CNTNAP2: variants seen among roughly 807,000 people sequenced by gnomAD.
CNTNAP2 encodes the protein contactin-associated protein-like 2.
A neutral mutation model predicts 155.2 loss-of-function variants in CNTNAP2; 98 were observed. That is an observed-to-expected ratio of 0.63 (90% CI 0.54 to 0.75). The LOEUF is 0.75. Ranked by LOEUF, CNTNAP2 falls within the 30% of genes least tolerant of loss-of-function variation. The probability of loss-of-function intolerance (pLI) is 0.00; values close to 1 mark genes in which losing one functional copy is unlikely to be tolerated. For synonymous variants in CNTNAP2, 651 were observed against 631.2 expected, an observed-to-expected ratio of 1.03 and a Z score of -0.47; for missense variants, 1,727 against 1,688.1, an observed-to-expected ratio of 1.02 and a Z score of -0.40.
intron 1 of CNTNAP2, among the ~76,000 whole-genome samples, chr7:146,607,660 A>T (rs948424624): frequency 6.6e-6 from 1 of 151,742 alleles, no homozygotes; most frequent in East Asian, 1.9e-4. Flanking sequence ...AAATTTTTAT[A>T]GAGTTGGGGG....
intron 13 of CNTNAP2, among the ~76,000 whole-genome samples, chr7:147,805,093 CG>C (rs1554437146): frequency 1.3e-5 from 2 of 149,154 alleles, no homozygotes; most frequent in Non-Finnish European, 3.0e-5. Flanking sequence ...TTTTTTGAGA[CG>C]GAGCCTGAGT....
chr7:147,650,535 C>T (rs1391055836), intron 13 of CNTNAP2, among the ~76,000 whole-genome samples: 1 of 152,128 alleles, frequency 6.6e-6, no homozygotes, highest in African/African-American at 2.4e-5. Context: ...CCCACTTATG[C>T]TTCATGATTA....
chr7:146,131,562 C>A (rs996313296), intron 1 of CNTNAP2, among the ~76,000 whole-genome samples: 2 of 152,126 alleles, frequency 1.3e-5, no homozygotes, highest in African/African-American at 4.8e-5. Flanking sequence ...AGTGTTATAA[C>A]AAGATTGTTT....
chr7:146,889,064 T>C (rs1795728650), intron 3 of CNTNAP2, among the ~76,000 whole-genome samples: 1 of 152,044 alleles, frequency 6.6e-6, no homozygotes, highest in Admixed American at 6.6e-5. Flanking sequence ...AACTGATAGA[T>C]ATGTTTATTG....
intron 1 of CNTNAP2, among the ~76,000 whole-genome samples, chr7:146,214,942 C>T (rs1799090931): frequency 6.6e-6 from 1 of 152,178 alleles, no homozygotes; most frequent in African/African-American, 2.4e-5. Context: ...CCCTCGGCCC[C>T]CTGCTTTGCC....
intron 21 of CNTNAP2, among the ~76,000 whole-genome samples, chr7:148,366,432 A>G (rs1011241319): frequency 2.6e-5 from 4 of 152,276 alleles, no homozygotes; most frequent in Admixed American, 6.5e-5. Context: ...CTGGCATACA[A>G]TAGATACTCA....
At chr7:147,570,904 G>A (rs1800275661) in intron 12 of CNTNAP2, among the ~76,000 whole-genome samples, 1 of 152,134 alleles carries the variant, frequency 6.6e-6, no homozygotes, top group South Asian at 2.1e-4. Flanking sequence ...CAATATGATT[G>A]CTGAAATGAG....
At position 148,403,110 on chromosome 7, in the gene CNTNAP2, A is replaced by C. The variant is rs1019305396; in HGVS notation, c.3716-6281A>C. Among the ~76,000 whole-genome samples, 4 of 150,724 alleles carry C rather than the reference A, an allele frequency of 2.7e-5. 1 individual carries two copies. The highest frequency in any genetic ancestry group is 9.8e-5 in the African/African-American group (4 of 40,772). On this transcript the variant is annotated intron_variant, in intron 22 of 23. Transcript: ENST00000361727. ...CCTTGGGTGAGGAGCATAGTAGTGC[A>C]TATGTGTGTGGGCGCTAAAGCCTTA...
intron 8 of CNTNAP2, among the ~76,000 whole-genome samples, chr7:147,223,939 C>CAAAAAAAAAAAAAAAAAAAA (rs571724956): frequency 4.4e-5 from 2 of 45,802 alleles, no homozygotes; most frequent in African/African-American, 7.4e-5. Context: ...GACTCAATCT[C>CAAAAAAAAAAAAAAAAAAAA]AAAAAAAAAA....
At chr7:146,582,846 G>A (rs1179451462) in intron 1 of CNTNAP2, among the ~76,000 whole-genome samples, 3 of 150,306 alleles carry the variant, frequency 2.0e-5, no homozygotes, top group Non-Finnish European at 3.0e-5. Flanking sequence ...ATACTGAGCA[G>A]CTCGTTAGTA....
At chr7:147,175,591 C>A (rs1008578427) in intron 8 of CNTNAP2, among the ~76,000 whole-genome samples, 1 of 152,098 alleles carries the variant, frequency 6.6e-6, no homozygotes, top group African/African-American at 2.4e-5. Context: ...GGAAGAGGGA[C>A]ACAGAGAAAG....
chr7:147,031,758 A>G (rs971345813), intron 3 of CNTNAP2, among the ~76,000 whole-genome samples: 1 of 152,178 alleles, frequency 6.6e-6, no homozygotes, highest in Non-Finnish European at 1.5e-5. Flanking sequence ...TCTCTACTAA[A>G]AATACAAAAA....
At chr7:146,438,828 A>G (rs1432946615) in intron 1 of CNTNAP2, among the ~76,000 whole-genome samples, 1 of 151,568 alleles carries the variant, frequency 6.6e-6, no homozygotes, top group Non-Finnish European at 1.5e-5. Flanking sequence ...ACACCAGGGA[A>G]TACTGGAAAA....
intron 1 of CNTNAP2, among the ~76,000 whole-genome samples, chr7:146,529,190 C>T (rs550713182): frequency 6.6e-6 from 1 of 152,122 alleles, no homozygotes. Flanking sequence ...CATGTGGTCC[C>T]ACTTATGAGA....
intron 1 of CNTNAP2, among the ~76,000 whole-genome samples, chr7:146,288,088 A>C (rs2129086073): frequency 6.6e-6 from 1 of 151,922 alleles, no homozygotes; most frequent in South Asian, 2.1e-4. Flanking sequence ...GCCTAGGTGG[A>C]GGATTGCTTA....
chr7:148,192,219 ACT>A (rs1387571878), intron 18 of CNTNAP2, among the ~76,000 whole-genome samples: 1 of 152,138 alleles, frequency 6.6e-6, no homozygotes, highest in African/African-American at 2.4e-5. Context: ...GGTCTCCATC[ACT>A]CAAACAAAAT....
intron 10 of CNTNAP2, among the ~76,000 whole-genome samples, chr7:147,464,310 A>C (rs780884239): frequency 2.0e-5 from 3 of 151,906 alleles, no homozygotes; most frequent in Non-Finnish European, 4.4e-5. Flanking sequence ...TACTAAAAAT[A>C]CAAAAAATTA....
chr7:146,383,818 A>G (rs185092168), intron 1 of CNTNAP2, among the ~76,000 whole-genome samples: 82 of 152,328 alleles, frequency 5.4e-4, no homozygotes, highest in Admixed American at 4.5e-3. Context: ...TATCACTATG[A>G]AAGTGGAGAT....
chr7:146,130,780 C>G (rs1797702126), intron 1 of CNTNAP2, among the ~76,000 whole-genome samples: 1 of 152,140 alleles, frequency 6.6e-6, no homozygotes, highest in Non-Finnish European at 1.5e-5. Flanking sequence ...AGACAACTTA[C>G]AATCATGGCA....
Sources: allele counts gnomAD v4.1 joint callset (sites outside exome capture counted in the v4.1 genomes callset), GRCh38; gene constraint gnomAD v4.1.1; transcripts MANE v1.5; gene names NCBI Gene and HGNC (gene_info 2026-07-23, HGNC 2026-07-21).